Variants in KRT35 observed in about 807,000 individuals in gnomAD.
KRT35 encodes keratin, type I cuticular Ha5.
KRT35 carries 33 observed loss-of-function variants against 42.2 expected under a neutral mutation model. The observed-to-expected ratio is 0.78, with a 90% CI of 0.59 to 1.05. The LOEUF (loss-of-function observed/expected upper bound fraction) is 1.05. Among genes scored for constraint, KRT35 ranks in the 50% least tolerant of loss-of-function variants. The probability of loss-of-function intolerance (pLI) is 0.00; values close to 1 mark genes in which losing one functional copy is unlikely to be tolerated. For synonymous variants in KRT35, 218 were observed against 238.2 expected (o/e 0.92, Z 0.78); for missense variants, 585 against 589.2 (o/e 0.99, Z 0.07).
Position 41,477,737 on chromosome 17 carries a change from C to G in KRT35, c.1001G>C (p.Arg334Thr), listed in dbSNP as rs925201713. 3 of 1,613,454 alleles carry G rather than the reference C, an allele frequency of 1.9e-6. No individual in the cohort carries two copies. The highest frequency in any genetic ancestry group is 1.3e-5 in the African/African-American group (1 of 75,042). Residue 334 changes from arginine (R) to threonine (T), a missense_variant and splice_region_variant, in exon 6 of 7, where the codon AGA (arginine) becomes ACA (threonine). Coordinates refer to ENST00000246639, the MANE Select transcript of KRT35 (RefSeq NM_002280.6). ...EIELQAQHSM[R>T]DALESTLAET... Reference sequence around the variant, plus strand: ...TGCCAGGGTGGATTCCAAAGCATCTCTCTGTGAGGGCAAGAGTTGTGTAGG... The same window carrying G: ...TGCCAGGGTGGATTCCAAAGCATCTGTCTGTGAGGGCAAGAGTTGTGTAGG...
At chr17:41,480,597 G>C (rs376260256) in intron 1 of KRT35, 30 bp downstream of exon 1, 2 of 1,554,016 alleles carry the variant, frequency 1.3e-6, no homozygotes, top group African/African-American at 1.4e-5. Context: ...CAAAGTTCCT[G>C]GGAATCCAAA....
intron 3 of KRT35, 98 bp downstream of exon 3, chr17:41,479,249 T>C (rs1192089769): frequency 1.6e-6 from 2 of 1,244,246 alleles, no homozygotes; most frequent in Admixed American, 2.4e-5. Context: ...CACCTCCCCC[T>C]ATGCTCACCT....
At position 41,480,933 on chromosome 17, in the gene KRT35, A is replaced by T; in HGVS notation, c.165T>A (p.Gly55=). The change falls in exon 1 of 7, where the codon GGT becomes GGA. Residue 55 remains glycine, a synonymous_variant. Transcript: ENST00000246639. ...VARSFSACSV[G]LGRSSYRATS... is the part of the protein sequence containing the mutation. ...TGGCCCTGTAGCTGCTTCTGCCCAG[A>T]CCCACTGAGCAGGCAGAGAAACTTC... The T allele has an allele frequency of 1.2e-6, 2 of 1,614,116 alleles. No individual in the cohort carries two copies. Among genetic ancestry groups the T allele is most frequent in the Non-Finnish European group, 1.7e-6 (2 of 1,180,006 alleles).
In KRT35 at chr17:41,481,125, A is replaced by C; in HGVS notation, c.-28T>G. On this transcript the variant is annotated 5_prime_UTR_variant, in exon 1 of 7. Transcript: ENST00000246639. Reference sequence around the variant, plus strand: ...CCCCTGCAACTCAGATGCAATTGATAGGTCTCTGAGGCCAGACACCCCAAA... The same window carrying C: ...CCCCTGCAACTCAGATGCAATTGATCGGTCTCTGAGGCCAGACACCCCAAA... 6.6e-7 allele frequency: 1 copy of C among 1,508,648 alleles called. No individual in the cohort carries two copies. Among genetic ancestry groups the C allele is most frequent in the Non-Finnish European group, 9.0e-7 (1 of 1,108,284 alleles). 93.5% of individuals were successfully genotyped at this position (1,508,648 alleles called of 1,614,324 possible).
rs1341528751 is a variant in KRT35, at chr17:41,479,518, C to T, written c.555-15G>A. The T allele has an allele frequency of 4.3e-6, 7 of 1,611,782 alleles. No homozygotes were observed. Among genetic ancestry groups the T allele is most frequent in the Non-Finnish European group, 5.9e-6 (7 of 1,178,340 alleles). On this transcript the variant is annotated splice_polypyrimidine_tract_variant and intron_variant, in intron 2 of 6. Coordinates refer to ENST00000246639, the MANE Select transcript of KRT35 (RefSeq NM_002280.6). Reference sequence around the variant, plus strand: ...CCGTCTCATACCTGCAGGCATAGAACAGGGCACCTGAGTCTGCATTTCCTT... The same window carrying T: ...CCGTCTCATACCTGCAGGCATAGAATAGGGCACCTGAGTCTGCATTTCCTT...
intron 5 of KRT35, among the ~76,000 whole-genome samples, chr17:41,478,064 T>A (rs529889524): frequency 9.8e-5 from 15 of 152,306 alleles, no homozygotes; most frequent in African/African-American, 3.6e-4. Flanking sequence ...CTAGAAAGTA[T>A]CTCCCTGTTA....
rs1420297269 is a variant in KRT35 at position 41,477,196 on chromosome 17, A to G, written c.1228T>C (p.Cys410Arg). Residue 410 changes from cysteine to arginine, a missense_variant, in exon 7 of 7, where the codon TGT becomes CGT. Transcript: ENST00000246639. ...GAGTAGTCAGGTGCACATGGGTTAC[A>G]GGGGAGCCTAGAAAAAAGAAAACAA... ...LLESEDSKLP[C>R]NPCAPDYSPS... 6.2e-7 allele frequency: 1 copy of G among 1,613,336 alleles called. No individual in the cohort carries two copies. Among genetic ancestry groups the G allele is most frequent in the Non-Finnish European group, 8.5e-7 (1 of 1,179,712 alleles).
chr17:41,476,929 T>A lies in KRT35; in HGVS notation c.*127A>T, dbSNP rs2019178487. 1.0e-6 allele frequency: 1 copy of A among 977,490 alleles called. No homozygotes were observed. The highest frequency in any genetic ancestry group is 1.9e-5 in the South Asian group (1 of 52,420). 60.6% of individuals were successfully genotyped at this position (977,490 alleles called of 1,614,324 possible). On this transcript the variant is annotated 3_prime_UTR_variant, in exon 7 of 7. Transcript: ENST00000246639. ...TTAGGGCATGTATTTGCAGAAAGCC[T>A]TTTCAGCCAGACCCTGGGCCTGGGC...
Position 41,477,561 on chromosome 17 carries a change from C to T in KRT35, c.1177G>A (p.Glu393Lys). The T allele has an allele frequency of 6.2e-7, 1 of 1,613,968 alleles. No homozygotes were observed. The highest frequency in any genetic ancestry group is 8.5e-7 in the Non-Finnish European group (1 of 1,180,050). The change falls in exon 6 of 7, where the codon GAG (glutamate) becomes AAG (lysine). Residue 393 changes from glutamate (E) to lysine (K), a missense_variant. Transcript: ENST00000246639. ...AGCAGGCCCCGGTACGTGTTGATCT[C>T]ACACTCCAGCCGGGCCCGGACGTCC... Reference protein sequence around the residue: ...LLDVRARLECEINTYRGLLES... With the variant: ...LLDVRARLECKINTYRGLLES...
Position 41,480,865 on chromosome 17 carries a change from G to A in KRT35, c.233C>T (p.Ala78Val), listed in dbSNP as rs1343809489. Residue 78 changes from alanine (A) to valine (V), a missense_variant, in exon 1 of 7, where the codon GCT (alanine) becomes GTT (valine). Transcript: ENST00000246639. Reference sequence around the variant, plus strand: ...GCCCCCACCCCCACTGTAGCTGGTAGCGAAGCCTCCAGCAGGGAGGCAGAG... The same window carrying A: ...GCCCCCACCCCCACTGTAGCTGGTAACGAAGCCTCCAGCAGGGAGGCAGAG... ...PALCLPAGGF[A>V]TSYSGGGGWF... 6.8e-6 allele frequency: 11 copies of A among 1,613,964 alleles called. No individual in the cohort carries two copies. The highest frequency in any genetic ancestry group is 2.7e-5 in the African/African-American group (2 of 74,924).
At position 41,480,701 on chromosome 17, in the gene KRT35, A is replaced by C. The variant is rs749718410; in HGVS notation, c.397T>G (p.Cys133Gly). The C allele has an allele frequency of 6.2e-7, 1 of 1,614,170 alleles. No homozygotes were observed. Among genetic ancestry groups the C allele is most frequent in the South Asian group, 1.1e-5 (1 of 91,084 alleles). Residue 133 changes from cysteine (C) to glycine (G), a missense_variant, in exon 1 of 7, where the codon TGT becomes GGT. Coordinates refer to ENST00000246639, the MANE Select transcript of KRT35 (RefSeq NM_002280.6). The stretch of plus-strand genomic sequence containing the variant: ...CACATGTAGGGGACCTGCTGCTCAC[A>C]CCACTCACGGATGCGGCTCTCCAGG... ...ASLESRIREW[C>G]EQQVPYMCPD...
Position 41,477,636 on chromosome 17 carries a change from C to T in KRT35, c.1102G>A (p.Glu368Lys), listed in dbSNP as rs777268097. Residue 368 changes from glutamate (E) to lysine (K), a missense_variant, in exon 6 of 7, where the codon GAG becomes AAG. Coordinates refer to ENST00000246639, the MANE Select transcript of KRT35 (RefSeq NM_002280.6). ...MITNVEAQLA[E>K]IRADLERQNQ... is the part of the protein sequence containing the mutation. ...TGCCGCTCCAGGTCAGCCCGGATCT[C>T]GGCCAGCTGGGCCTCCACGTTGGTG... The T allele has an allele frequency of 6.8e-6, 11 of 1,614,148 alleles. No individual in the cohort carries two copies. Among genetic ancestry groups the T allele is most frequent in the Middle Eastern group, 1.6e-4 (1 of 6,084 alleles).
In KRT35 at chr17:41,480,755, C is replaced by T. The variant is rs1567707110; in HGVS notation, c.343G>A (p.Val115Met). 2 of 1,614,206 alleles carry T rather than the reference C, an allele frequency of 1.2e-6. No homozygotes were observed. The highest frequency in any genetic ancestry group is 8.5e-7 in the Non-Finnish European group (1 of 1,180,028). Reference protein sequence around the residue: ...NDRLAGYLEKVRQLEQENASL... With the variant: ...NDRLAGYLEKMRQLEQENASL... Reference sequence around the variant, plus strand: ...GCGTTCTCCTGCTCCAGCTGACGCACCTTCTCCAGGTAGCCGGCCAGGCGG... The same window carrying T: ...GCGTTCTCCTGCTCCAGCTGACGCATCTTCTCCAGGTAGCCGGCCAGGCGG... Residue 115 changes from valine (V) to methionine (M), a missense_variant, in exon 1 of 7, where the codon GTG (valine) becomes ATG (methionine). Coordinates refer to ENST00000246639, the MANE Select transcript of KRT35 (RefSeq NM_002280.6).
Position 41,480,883 on chromosome 17 carries a change from A to T in KRT35, c.215T>A (p.Leu72His). 1 of 1,614,066 alleles carries T rather than the reference A, an allele frequency of 6.2e-7. No homozygotes were observed. Among genetic ancestry groups the T allele is most frequent in the Non-Finnish European group, 8.5e-7 (1 of 1,180,000 alleles). The change falls in exon 1 of 7, where the codon CTC (leucine) becomes CAC (histidine). Residue 72 changes from leucine (L) to histidine (H), a missense_variant. Physicochemically the swap from Leu to His is moderately conservative, Grantham distance 99. Coordinates refer to ENST00000246639, the MANE Select transcript of KRT35 (RefSeq NM_002280.6). ...RATSCLPALC[L>H]PAGGFATSYS... ...GCTGGTAGCGAAGCCTCCAGCAGGG[A>T]GGCAGAGAGCAGGGAGGCAGCTGGT...
Position 41,478,503 on chromosome 17 carries a change from C to G in KRT35, c.874-17G>C, listed in dbSNP as rs2019211787. 6.2e-7 allele frequency: 1 copy of G among 1,611,352 alleles called. No individual in the cohort carries two copies. Among genetic ancestry groups the G allele is most frequent in the Non-Finnish European group, 8.5e-7 (1 of 1,178,230 alleles). On this transcript the variant is annotated splice_polypyrimidine_tract_variant and intron_variant, in intron 4 of 6. Transcript: ENST00000246639. ...CTCCTCACTCTGAAACATACACACA[C>G]AGAACCTGGTCAGCCACACCAGGGA... is the stretch of plus-strand genomic sequence containing the variant.
Position 41,481,027 on chromosome 17 carries a change from C to T in KRT35, c.71G>A (p.Gly24Asp). ...SLKSPGGASG[G>D]STRVSAMYSS... The stretch of plus-strand genomic sequence containing the variant: ...GTACATTGCGGACACACGAGTGGAG[C>T]CCCCACTGGCCCCTCCTGGGCTCTT... The change falls in exon 1 of 7, where the codon GGC (glycine) becomes GAC (aspartate). Residue 24 changes from glycine (G) to aspartate (D), a missense_variant. Physicochemically the swap from Gly to Asp is moderately conservative, Grantham distance 94 (BLOSUM62 -1). Coordinates refer to ENST00000246639, the MANE Select transcript of KRT35 (RefSeq NM_002280.6). 6.2e-7 allele frequency: 1 copy of T among 1,613,714 alleles called. No individual in the cohort carries two copies. The highest frequency in any genetic ancestry group is 8.5e-7 in the Non-Finnish European group (1 of 1,179,882).
intron 5 of KRT35, 117 bp downstream of exon 5, chr17:41,478,244 G>T (rs1217758231): frequency 1.8e-6 from 2 of 1,113,372 alleles, no homozygotes; most frequent in African/African-American, 1.6e-5. Context: ...GAGAACCCCT[G>T]GTGCTCAAGA....
At position 41,477,503 on chromosome 17, in the gene KRT35, T is replaced by C; in HGVS notation, c.1220+15A>G. On this transcript the variant is annotated intron_variant, in intron 6 of 6. Transcript: ENST00000246639. ...ATTGCAGTGAGAAGACAAGAGCACA[T>C]GCAGTGATACTCACTTGCTGTCCTC... The C allele has an allele frequency of 5.6e-6, 9 of 1,612,500 alleles. No individual in the cohort carries two copies. The highest frequency in any genetic ancestry group is 7.6e-6 in the Non-Finnish European group (9 of 1,179,682).
In KRT35 at chr17:41,479,440, G is replaced by A. The variant is rs200100070; in HGVS notation, c.618C>T (p.Ile206=). The change falls in exon 3 of 7, where the codon ATC becomes ATT. Residue 206 remains isoleucine (I), a synonymous_variant. Coordinates refer to ENST00000246639, the MANE Select transcript of KRT35 (RefSeq NM_002280.6). ...VESDINGLRR[I]LDDLTLCKSD... ...ACTTGCACAGGGTCAGGTCATCCAG[G>A]ATCCTGCGCAGGCCGTTGATGTCTG... 1,277 of 1,614,032 alleles carry A rather than the reference G, an allele frequency of 7.9e-4. No homozygotes were observed. The highest frequency in any genetic ancestry group is 9.9e-4 in the Non-Finnish European group (1,169 of 1,180,038).
Sources: gnomAD v4.1 joint callset for allele counts (sites outside exome capture counted in the v4.1 genomes callset) on GRCh38, gnomAD v4.1.1 for gene constraint, MANE v1.5 for transcripts, NCBI Gene and HGNC (gene_info 2026-07-23, HGNC 2026-07-21) for gene names.